The following SCG3 variants were observed in gnomAD, a reference collection of about 807,000 sequenced individuals.
SCG3 encodes the protein secretogranin III, also known as secretogranin-3.
SCG3 carries 38 observed loss-of-function variants against 56.2 expected under a neutral mutation model. The observed-to-expected ratio is 0.68, with a 90% CI of 0.52 to 0.89. The LOEUF (loss-of-function observed/expected upper bound fraction) is 0.89. Ranked by LOEUF, SCG3 falls within the 40% of genes least tolerant of loss-of-function variation. SCG3 has a pLI of 0.00. For missense variants in SCG3, 524 were observed against 540.7 expected, an observed-to-expected ratio of 0.97 and a Z score of 0.31; for synonymous variants, 176 against 184.2, an observed-to-expected ratio of 0.96 and a Z score of 0.36.
At chr15:51,683,057 C>T (rs2055204769) in intron 2 of SCG3, 22 bp from the exon 3 acceptor site, 1 of 1,599,316 alleles carries the variant, frequency 6.3e-7, no homozygotes, top group Non-Finnish European at 8.5e-7. Flanking sequence ...TAAACCAAGT[C>T]TATCTCCTGT....
intron 10 of SCG3, among the ~76,000 whole-genome samples, chr15:51,710,389 A>C (rs1265296164): frequency 6.6e-6 from 1 of 152,232 alleles, no homozygotes; most frequent in Non-Finnish European, 1.5e-5. Context: ...ATAACCCATA[A>C]GATACTAGTC....
chr15:51,719,548 T>C lies in SCG3; in HGVS notation c.*22T>C, dbSNP rs1246604291. On this transcript the variant is annotated 3_prime_UTR_variant, in exon 12 of 12. Transcript: ENST00000220478. The stretch of plus-strand genomic sequence containing the variant: ...GTAAAAATGGCAAAAGATCCAGGAG[T>C]CTTTCAACTGTTTCAGAAAACATAA... 3 of 1,493,882 alleles carry C rather than the reference T, an allele frequency of 2.0e-6. No individual in the cohort carries two copies. Among genetic ancestry groups the C allele is most frequent in the South Asian group, 1.1e-5 (1 of 87,196 alleles). The allele number at this position is 1,493,882 out of a possible 1,614,324, so 92.5% of individuals were successfully genotyped here. A position where few individuals can be genotyped will look rare whatever the true frequency, so the allele number is the denominator to read the frequency against.
At position 51,683,254 on chromosome 15, in the gene SCG3, G is replaced by C. The variant is rs1770900504; in HGVS notation, c.217G>C (p.Asp73His). 6.2e-7 allele frequency: 1 copy of C among 1,613,720 alleles called. No individual in the cohort carries two copies. Among genetic ancestry groups the C allele is most frequent in the Middle Eastern group, 1.7e-4 (1 of 6,056 alleles). ...KPGQSNYSFV[D>H]NLNLLKAITE... Reference sequence around the variant, plus strand: ...AGGTCAGAGCAACTATTCTTTTGTTGATAACTTGAACCTGCTAAAGGCAAT... The same window carrying C: ...AGGTCAGAGCAACTATTCTTTTGTTCATAACTTGAACCTGCTAAAGGCAAT... The change falls in exon 4 of 12, where the codon GAT becomes CAT. Residue 73 changes from aspartate (D) to histidine (H), a missense_variant. Coordinates refer to ENST00000220478, the MANE Select transcript of SCG3 (RefSeq NM_013243.4).
At chr15:51,704,248 T>TAC (rs2055357977) in intron 10 of SCG3, among the ~76,000 whole-genome samples, 4 of 59,056 alleles carry the variant, frequency 6.8e-5, no homozygotes, top group African/African-American at 2.1e-4. Context: ...TACATACATA[T>TAC]ATATATATAT....
At chr15:51,681,878 C>T in intron 1 of SCG3, 41 bp downstream of exon 1, 3 of 1,545,540 alleles carry the variant, frequency 1.9e-6, no homozygotes, top group Non-Finnish European at 2.7e-6. Context: ...CCTTTTATTT[C>T]GCCACGAAAA....
intron 11 of SCG3, among the ~76,000 whole-genome samples, chr15:51,714,554 C>T (rs80293365): frequency 0.012 from 1,870 of 152,324 alleles, 38 homozygotes; most frequent in African/African-American, 0.043. Flanking sequence ...TAATGCTTCT[C>T]AAACTTTAAA....
intron 10 of SCG3, among the ~76,000 whole-genome samples, chr15:51,709,273 G>A (rs1427141659): frequency 2.0e-5 from 3 of 151,872 alleles, no homozygotes; most frequent in East Asian, 1.9e-4. Context: ...GGGGGTAACC[G>A]CCCCCCTGAT....
At chr15:51,685,727 C>T (rs1262075862) in intron 4 of SCG3, among the ~76,000 whole-genome samples, 4 of 152,184 alleles carry the variant, frequency 2.6e-5, no homozygotes, top group African/African-American at 7.2e-5. Flanking sequence ...GACCTACTCT[C>T]GCCTTTAGGA....
At chr15:51,698,903 A>G (rs1219456505) in intron 8 of SCG3, among the ~76,000 whole-genome samples, 1 of 152,206 alleles carries the variant, frequency 6.6e-6, no homozygotes, top group Non-Finnish European at 1.5e-5. Context: ...CTGTTTAGTC[A>G]TTCTTGAGTT....
Position 51,688,419 on chromosome 15 carries a change from G to T in SCG3, c.540+17G>T. 6.2e-7 allele frequency: 1 copy of T among 1,610,224 alleles called. No homozygotes were observed. On this transcript the variant is annotated intron_variant, in intron 5 of 11. Transcript: ENST00000220478. ...CTCGGCCTTGTAAGTCATTTGGTAG[G>T]AAATAAACCAAATTCCTAGTGCAGT... is the stretch of plus-strand genomic sequence containing the variant.
At chr15:51,702,740 A>G (rs148034511) in intron 10 of SCG3, among the ~76,000 whole-genome samples, 2 of 152,274 alleles carry the variant, frequency 1.3e-5, no homozygotes, top group African/African-American at 2.4e-5. Context: ...TTACATCTCT[A>G]TGTCTCAGAT....
At chr15:51,686,296 C>T (rs116868828) in intron 4 of SCG3, among the ~76,000 whole-genome samples, 2 of 152,294 alleles carry the variant, frequency 1.3e-5, no homozygotes, top group East Asian at 3.9e-4. Context: ...CTGTTTACAC[C>T]ATCCAGCAAA....
chr15:51,719,085 T>C (rs2141586004), intron 11 of SCG3, among the ~76,000 whole-genome samples: 1 of 152,264 alleles, frequency 6.6e-6, no homozygotes, highest in Middle Eastern at 3.4e-3. Context: ...CACTTCCCAA[T>C]AGCCCCAGGT....
At chr15:51,704,774 T>C (rs1351801377) in intron 10 of SCG3, among the ~76,000 whole-genome samples, 1 of 112,352 alleles carries the variant, frequency 8.9e-6, no homozygotes, top group Non-Finnish European at 1.7e-5. Flanking sequence ...CATATATATA[T>C]ATATATATAT....
chr15:51,715,889 G>A (rs4499184), intron 11 of SCG3, among the ~76,000 whole-genome samples: 6,082 of 149,944 alleles, frequency 0.041, 157 homozygotes, highest in Non-Finnish European at 0.048. Context: ...ACAGAGTCTC[G>A]CTCTGTCGCC....
intron 10 of SCG3, among the ~76,000 whole-genome samples, chr15:51,710,752 A>ATT (rs60536489): frequency 0.56 from 58,130 of 103,248 alleles, 18,424 homozygotes; most frequent in Non-Finnish European, 0.74. Flanking sequence ...TGCCTGGCTA[A>ATT]TTTTTTTTTT....
chr15:51,681,515 G>A lies in SCG3; in HGVS notation c.-241G>A. ...CAGTCTCCGCGTCACAGGAACTTCA[G>A]CACCCACAGGGCGGACAGCGCTCCC... On this transcript the variant is annotated 5_prime_UTR_variant, in exon 1 of 12. Transcript: ENST00000220478. 2 of 544,050 alleles carry A rather than the reference G, an allele frequency of 3.7e-6. No homozygotes were observed. The highest frequency in any genetic ancestry group is 6.1e-5 in the East Asian group (2 of 33,026). The allele number at this position is 544,050 out of a possible 1,614,324, so 33.7% of individuals were successfully genotyped here.
At chr15:51,711,909 T>C (rs143337049) in intron 10 of SCG3, among the ~76,000 whole-genome samples, 1 of 152,266 alleles carries the variant, frequency 6.6e-6, no homozygotes, top group East Asian at 1.9e-4. Flanking sequence ...AAGAGTGGGC[T>C]TCAAGATCAG....
intron 11 of SCG3, among the ~76,000 whole-genome samples, chr15:51,717,805 C>T (rs574734506): frequency 6.6e-6 from 1 of 152,286 alleles, no homozygotes; most frequent in East Asian, 1.9e-4. Flanking sequence ...CCTCTTGGGC[C>T]TTTCATGGAG....
Sources: gnomAD v4.1 joint callset for allele counts (sites outside exome capture counted in the v4.1 genomes callset) on GRCh38, gnomAD v4.1.1 for gene constraint, MANE v1.5 for transcripts, NCBI Gene and HGNC (gene_info 2026-07-23, HGNC 2026-07-21) for gene names.